CLTC: variants seen among roughly 807,000 people sequenced by gnomAD.
CLTC encodes the protein clathrin heavy chain.
A neutral mutation model predicts 195.8 loss-of-function variants in CLTC; 16 were observed. That is an observed-to-expected ratio of 0.08 (90% confidence interval 0.06 to 0.12). CLTC has a LOEUF of 0.12. CLTC is among the 10% of genes least tolerant of loss of function. CLTC has a pLI of 1.00. For missense variants in CLTC, 796 were observed against 2,027.0 expected (o/e 0.39, Z 11.66); for synonymous variants, 667 against 689.4 (o/e 0.97, Z 0.51).
Position 59,661,487 on chromosome 17 carries a change from C to T in CLTC, c.1212C>T (p.Val404=). Residue 404 remains valine, a synonymous_variant, in exon 8 of 32, where the codon GTC becomes GTT. Coordinates refer to ENST00000269122, the MANE Select transcript of CLTC (RefSeq NM_004859.4). ...ACACTATCCGTCGGTTCCAGAGTGT[C>T]CCAGCCCAGCCAGGTCAAACTTCTC... The part of the protein sequence containing the change: ...TPDTIRRFQS[V]PAQPGQTSPL... The T allele has an allele frequency of 6.2e-7, 1 of 1,614,080 alleles. No individual in the cohort carries two copies. Among genetic ancestry groups the T allele is most frequent in the Non-Finnish European group, 8.5e-7 (1 of 1,179,964 alleles).
At chr17:59,629,183 A>G (rs2031638855) in intron 1 of CLTC, among the ~76,000 whole-genome samples, 1 of 152,234 alleles carries the variant, frequency 6.6e-6, no homozygotes, top group African/African-American at 2.4e-5. Flanking sequence ...AGTCTCTGCA[A>G]TATTCTATAT....
At chr17:59,690,586 G>C in intron 30 of CLTC, 50 bp from the exon 31 acceptor site, 1 of 1,336,902 alleles carries the variant, frequency 7.5e-7, no homozygotes, top group Non-Finnish European at 1.1e-6. Context: ...CATAAACCTA[G>C]GTTTATAATA....
chr17:59,668,456 G>T (rs2032778593), intron 13 of CLTC, among the ~76,000 whole-genome samples: 1 of 152,106 alleles, frequency 6.6e-6, no homozygotes. Context: ...AGGTTGAGGT[G>T]GGAGGATTGC....
At chr17:59,665,359 T>C (rs1567957396) in intron 10 of CLTC, among the ~76,000 whole-genome samples, 1 of 152,198 alleles carries the variant, frequency 6.6e-6, no homozygotes, top group Non-Finnish European at 1.5e-5. Context: ...GCATGTAGTT[T>C]TAATACATGC....
chr17:59,661,448 T>C lies in CLTC; in HGVS notation c.1173T>C (p.Ile391=). Residue 391 remains isoleucine (I), a synonymous_variant, in exon 8 of 32, where the codon ATT becomes ATC. Transcript: ENST00000269122. The part of the protein sequence containing the change: ...AKVAANAPKG[I]LRTPDTIRRF... ...AACATTTCTCCTTCTTAAAGGGAAT[T>C]CTTCGTACTCCAGACACTATCCGTC... 1 of 1,613,542 alleles carries C rather than the reference T, an allele frequency of 6.2e-7. No homozygotes were observed. The highest frequency in any genetic ancestry group is 8.5e-7 in the Non-Finnish European group (1 of 1,179,610).
In CLTC at chr17:59,668,924, T is replaced by C; in HGVS notation, c.2276T>C (p.Val759Ala). Reference sequence around the variant, plus strand: ...AGCAACTGCTACGATCCTGAGCGAGTCAAGAATTTTCTTAAGGTAAGTGGT... The same window carrying C: ...AGCAACTGCTACGATCCTGAGCGAGCCAAGAATTTTCTTAAGGTAAGTGGT... ...RESNCYDPER[V>A]KNFLKEAKLT... is the part of the protein sequence containing the mutation. Residue 759 changes from valine to alanine, a missense_variant, in exon 14 of 32, where the codon GTC (valine) becomes GCC (alanine). Transcript: ENST00000269122. 6.2e-7 allele frequency: 1 copy of C among 1,608,584 alleles called. No homozygotes were observed. The highest frequency in any genetic ancestry group is 8.5e-7 in the Non-Finnish European group (1 of 1,178,446).
intron 6 of CLTC, among the ~76,000 whole-genome samples, chr17:59,658,967 G>T (rs1391673775): frequency 6.6e-6 from 1 of 152,150 alleles, no homozygotes; most frequent in Non-Finnish European, 1.5e-5. Flanking sequence ...AGTAGAATTG[G>T]CAGGGCAGAC....
chr17:59,642,231 C>T (rs2032059278), intron 1 of CLTC, among the ~76,000 whole-genome samples: 3 of 152,114 alleles, frequency 2.0e-5, no homozygotes, highest in Admixed American at 6.5e-5. Context: ...CTGTTAGAAT[C>T]ACTTGGGGTT....
At chr17:59,661,335 T>G in intron 7 of CLTC, 108 bp from the exon 8 acceptor site, 1 of 797,716 alleles carries the variant, frequency 1.3e-6, no homozygotes, top group Non-Finnish European at 2.1e-6. Context: ...CCTAAGAGAT[T>G]GATCTCTACA....
At position 59,620,085 on chromosome 17, in the gene CLTC, C is replaced by A; in HGVS notation, c.-47C>A. 6.2e-7 allele frequency: 1 copy of A among 1,600,364 alleles called. No individual in the cohort carries two copies. Among genetic ancestry groups the A allele is most frequent in the Non-Finnish European group, 8.6e-7 (1 of 1,167,806 alleles). On this transcript the variant is annotated 5_prime_UTR_variant, in exon 1 of 32. Transcript: ENST00000269122. ...CCTTGGAGAGCCCGGGCAGCCACTG[C>A]CCCGCAGCCCCAGTGACAGGAGGAG...
intron 5 of CLTC, among the ~76,000 whole-genome samples, chr17:59,654,161 G>C: frequency 6.6e-6 from 1 of 151,644 alleles, no homozygotes; most frequent in East Asian, 2.0e-4. Flanking sequence ...ACTGCACCTG[G>C]CTAGTGTATA....
chr17:59,678,529 T>C (rs1187166058), intron 17 of CLTC, among the ~76,000 whole-genome samples: 1 of 152,232 alleles, frequency 6.6e-6, no homozygotes, highest in Non-Finnish European at 1.5e-5. Context: ...ATTTTGATGC[T>C]CAAATTGTCC....
At chr17:59,624,250 T>G (rs1488345553) in intron 1 of CLTC, among the ~76,000 whole-genome samples, 2 of 152,100 alleles carry the variant, frequency 1.3e-5, no homozygotes, top group African/African-American at 4.8e-5. Context: ...ACAAAATATT[T>G]CAAAGAAATT....
chr17:59,691,623 TA>T (rs112657594), intron 31 of CLTC, among the ~76,000 whole-genome samples: 286 of 140,758 alleles, frequency 2.0e-3, no homozygotes, highest in African/African-American at 5.8e-3. Context: ...GACTCCGCCT[TA>T]AAAAAAAAAT....
At chr17:59,630,412 C>A (rs1246714715) in intron 1 of CLTC, among the ~76,000 whole-genome samples, 4 of 152,162 alleles carry the variant, frequency 2.6e-5, no homozygotes, top group Non-Finnish European at 5.9e-5. Context: ...AAAACTTTTT[C>A]AATTGCGATA....
At chr17:59,676,686 C>T (rs2032973091) in intron 16 of CLTC, among the ~76,000 whole-genome samples, 2 of 152,094 alleles carry the variant, frequency 1.3e-5, no homozygotes, top group African/African-American at 4.8e-5. Context: ...TAATGTAAAG[C>T]CAGGTACAGT....
At chr17:59,636,994 C>CTGGTCTTG (rs2031882469) in intron 1 of CLTC, among the ~76,000 whole-genome samples, 1 of 143,210 alleles carries the variant, frequency 7.0e-6, no homozygotes, top group African/African-American at 2.7e-5. Flanking sequence ...GTTGGCCAGG[C>CTGGTCTTG]TGGTCTTGAA....
Position 59,669,050 on chromosome 17 carries a change from ATTC to A in CLTC, c.2292+113_2292+115del, listed in dbSNP as rs1367876394. The A allele has an allele frequency of 4.3e-6, 4 of 936,666 alleles. No individual in the cohort carries two copies. In the Admixed American group the frequency reaches 1.2e-4, roughly 27 times the overall value. The allele number at this position is 936,666 out of a possible 1,614,324, so 58.0% of individuals were successfully genotyped here. On this transcript the variant is annotated intron_variant, in intron 14 of 31. Transcript: ENST00000269122. ...TTTCCCTAAATGTGAAGTTGTTAGC[ATTC>A]TTAAGTTGTGTGCTGGATTATTTCT...
At chr17:59,644,535 TTTTG>T (rs2032134007) in intron 2 of CLTC, 52 bp downstream of exon 2, 1 of 1,366,402 alleles carries the variant, frequency 7.3e-7, no homozygotes, top group Non-Finnish European at 9.9e-7. Context: ...TTTTGTTTTT[TTTTG>T]TTTTTTTTTT....
Sources: allele counts gnomAD v4.1 joint callset (sites outside exome capture counted in the v4.1 genomes callset), GRCh38; gene constraint gnomAD v4.1.1; transcripts MANE v1.5; gene names NCBI Gene and HGNC (gene_info 2026-07-23, HGNC 2026-07-21).